SOX6: variants seen among roughly 807,000 people sequenced by gnomAD.
SOX6 encodes transcription factor SOX-6.
A neutral mutation model predicts 97.8 loss-of-function variants in SOX6; 11 were observed. The ratio of observed to expected loss-of-function variants is 0.11; its 90% CI spans 0.07 to 0.19. The LOEUF (loss-of-function observed/expected upper bound fraction) is 0.19, where lower values mean the gene tolerates loss of function less well. SOX6 is among the 10% of genes least tolerant of loss of function. SOX6 has a pLI of 1.00. For missense variants in SOX6, 810 were observed against 1,039.5 expected, an observed-to-expected ratio of 0.78 and a Z score of 3.04; for synonymous variants, 360 against 371.4, an observed-to-expected ratio of 0.97 and a Z score of 0.35.
intron 4 of SOX6, among the ~76,000 whole-genome samples, chr11:16,584,835 T>A (rs1158649640): frequency 6.6e-6 from 1 of 152,190 alleles, no homozygotes; most frequent in East Asian, 1.9e-4. Context: ...CTGCAATCAC[T>A]GGCCAAGCCA....
chr11:15,998,874 CTT>C, intron 13 of SOX6, among the ~76,000 whole-genome samples: 1 of 152,086 alleles, frequency 6.6e-6, no homozygotes, highest in East Asian at 1.9e-4. Flanking sequence ...TAAAATGACT[CTT>C]AGATACAACA....
chr11:16,467,938 C>T (rs1286001095), intron 1 of SOX6, among the ~76,000 whole-genome samples: 1 of 152,132 alleles, frequency 6.6e-6, no homozygotes. Context: ...GGCTTTATTT[C>T]CCCTTCTCTA....
At chr11:16,584,529 C>A (rs4447141) in intron 4 of SOX6, among the ~76,000 whole-genome samples, 31,420 of 152,100 alleles carry the variant, frequency 0.21, 3,555 homozygotes, top group East Asian at 0.34. Context: ...ACTGCTACAG[C>A]TACTGTCCTT....
intron 4 of SOX6, among the ~76,000 whole-genome samples, chr11:16,599,463 T>C (rs1263061868): frequency 2.6e-5 from 4 of 152,150 alleles, no homozygotes; most frequent in Admixed American, 6.5e-5. Flanking sequence ...AACTCAGTTA[T>C]TGACAAATAA....
At chr11:16,354,204 G>C (rs555221391) in intron 1 of SOX6, among the ~76,000 whole-genome samples, 1 of 151,958 alleles carries the variant, frequency 6.6e-6, no homozygotes, top group Non-Finnish European at 1.5e-5. Context: ...TCCTTGAAAA[G>C]TTGTTGTGAA....
At chr11:16,604,288 G>A (rs886297354) in intron 4 of SOX6, among the ~76,000 whole-genome samples, 1 of 152,220 alleles carries the variant, frequency 6.6e-6, no homozygotes, top group Non-Finnish European at 1.5e-5. Context: ...GGACCAGCTC[G>A]CCGACCTGAC....
At chr11:15,974,018 C>A (rs1022883983) in intron 15 of SOX6, among the ~76,000 whole-genome samples, 1 of 152,204 alleles carries the variant, frequency 6.6e-6, no homozygotes, top group Non-Finnish European at 1.5e-5. Context: ...ATCTACCTAA[C>A]TCAGAGACTA....
intron 4 of SOX6, among the ~76,000 whole-genome samples, chr11:16,562,345 G>A (rs79599386): frequency 0.014 from 2,142 of 152,172 alleles, 43 homozygotes; most frequent in East Asian, 0.051. Flanking sequence ...TTCGCGTTGT[G>A]TATACCAGAC....
chr11:16,028,365 G>A (rs1320684504), intron 12 of SOX6, among the ~76,000 whole-genome samples: 1 of 152,108 alleles, frequency 6.6e-6, no homozygotes, highest in Non-Finnish European at 1.5e-5. Context: ...AAAGCTTTCA[G>A]GGAAAGTCTG....
At position 16,306,148 on chromosome 11, in the gene SOX6, G is replaced by A. The variant is rs547145304; in HGVS notation, c.445+12298C>T. Among the ~76,000 whole-genome samples the A allele has an allele frequency of 4.6e-5, 7 of 152,240 alleles. No individual in the cohort carries two copies. In the East Asian group the frequency reaches 1.3e-3, roughly 29 times the overall value. ...ATGGAGAGACAAGAGGAACATCAGTGAATTGTTTCAATGTCAATAACCTGG... is the reference window on the plus strand; with the variant it reads ...ATGGAGAGACAAGAGGAACATCAGTAAATTGTTTCAATGTCAATAACCTGG... On this transcript the variant is annotated intron_variant, in intron 3 of 15. Transcript: ENST00000683767.
intron 6 of SOX6, among the ~76,000 whole-genome samples, chr11:16,151,689 G>T (rs1006772873): frequency 6.6e-6 from 1 of 152,002 alleles, no homozygotes; most frequent in Non-Finnish European, 1.5e-5. Context: ...CAAACAATAT[G>T]GTCTATAAAT....
At chr11:16,007,501 T>C (rs1255734381) in intron 13 of SOX6, among the ~76,000 whole-genome samples, 4 of 152,010 alleles carry the variant, frequency 2.6e-5, no homozygotes, top group Non-Finnish European at 4.4e-5. Context: ...TACTGACTCT[T>C]TGGAACAAGT....
At chr11:16,730,472 G>C (rs1848341132) in intron 2 of SOX6, among the ~76,000 whole-genome samples, 2 of 152,242 alleles carry the variant, frequency 1.3e-5, no homozygotes, top group South Asian at 4.1e-4. Context: ...CATGGAAACT[G>C]AACAACCTGC....
intron 10 of SOX6, among the ~76,000 whole-genome samples, chr11:16,052,111 T>A (rs965223244): frequency 3.3e-5 from 5 of 152,184 alleles, no homozygotes; most frequent in African/African-American, 7.2e-5. Flanking sequence ...GTTTATTACA[T>A]CTTTTTTAAC....
chr11:16,227,883 G>T (rs1852730499), intron 4 of SOX6, among the ~76,000 whole-genome samples: 1 of 152,072 alleles, frequency 6.6e-6, no homozygotes, highest in African/African-American at 2.4e-5. Flanking sequence ...AAATACTAAT[G>T]TAACAATAGA....
intron 10 of SOX6, among the ~76,000 whole-genome samples, chr11:16,053,325 C>T (rs754922644): frequency 5.5e-4 from 84 of 152,128 alleles, no homozygotes; most frequent in Admixed American, 1.4e-3. Flanking sequence ...AAGAGTAAAT[C>T]TGTTTTTGTT....
intron 15 of SOX6, among the ~76,000 whole-genome samples, chr11:15,975,132 A>T (rs968163100): frequency 1.3e-5 from 2 of 152,212 alleles, no homozygotes; most frequent in Non-Finnish European, 2.9e-5. Context: ...TATGATTCTC[A>T]TGGTGAGTTT....
chr11:16,066,837 C>A (rs1264495878), intron 9 of SOX6, among the ~76,000 whole-genome samples: 1 of 152,124 alleles, frequency 6.6e-6, no homozygotes, highest in Non-Finnish European at 1.5e-5. Flanking sequence ...GTTGATATCT[C>A]AACAGGGTGA....
chr11:15,982,629 A>G (rs981546350), intron 15 of SOX6, among the ~76,000 whole-genome samples: 5 of 152,086 alleles, frequency 3.3e-5, no homozygotes, highest in Non-Finnish European at 5.9e-5. Flanking sequence ...TATAAATGTT[A>G]TGTAAACACT....
Sources: gnomAD v4.1 joint callset for allele counts (sites outside exome capture counted in the v4.1 genomes callset) on GRCh38, gnomAD v4.1.1 for gene constraint, MANE v1.5 for transcripts, NCBI Gene and HGNC (gene_info 2026-07-23, HGNC 2026-07-21) for gene names.